Variants in GTF3C5 observed in about 807,000 individuals in gnomAD.
The protein encoded by GTF3C5 is general transcription factor IIIC subunit 5.
Under a neutral mutation model 61.0 loss-of-function variants are expected in GTF3C5, and 47 were observed. That is an observed-to-expected ratio of 0.77 (90% CI 0.61 to 0.98). GTF3C5 has a LOEUF of 0.98. Ranked by LOEUF, GTF3C5 falls within the 50% of genes least tolerant of loss-of-function variation. The pLI, the probability that GTF3C5 is intolerant of heterozygous loss-of-function variation, is 0.00. For missense variants in GTF3C5, 659 were observed against 703.3 expected, an observed-to-expected ratio of 0.94 and a Z score of 0.71; for synonymous variants, 295 against 275.4, an observed-to-expected ratio of 1.07 and a Z score of -0.71.
chr9:133,057,890 T>C lies in GTF3C5; in HGVS notation c.1470T>C (p.Asp490=). The C allele has an allele frequency of 6.2e-7, 1 of 1,612,546 alleles. No individual in the cohort carries two copies. Among genetic ancestry groups the C allele is most frequent in the Non-Finnish European group, 8.5e-7 (1 of 1,179,272 alleles). ...ACGAGTCTGGGGAAGACGAGGAGGA[T>C]GAGGAGGAGGAGGAAGAGGAGGAGG... ...LTYESGEDEE[D]EEEEEEEEED... is the part of the protein sequence containing the mutation. Residue 490 remains aspartate, a synonymous_variant, in exon 11 of 11, where the codon GAT becomes GAC. Coordinates refer to ENST00000372097, the MANE Select transcript of GTF3C5 (RefSeq NM_012087.4).
At chr9:133,038,873 C>T (rs965115623) in intron 1 of GTF3C5, among the ~76,000 whole-genome samples, 25 of 152,240 alleles carry the variant, frequency 1.6e-4, no homozygotes, top group East Asian at 5.8e-4. Flanking sequence ...CCTCATTACC[C>T]GGGGTAGAAA....
intron 8 of GTF3C5, chr9:133,055,474 G>T: frequency 1.2e-5 from 15 of 1,215,230 alleles, no homozygotes; most frequent in Non-Finnish European, 1.6e-5. Flanking sequence ...CCCAGTGAGG[G>T]GCGATCATGC....
At chr9:133,052,293 A>ACCCC (rs1284970411) in intron 5 of GTF3C5, 129 bp downstream of exon 5, 1 of 465,682 alleles carries the variant, frequency 2.1e-6, no homozygotes, top group Non-Finnish European at 3.8e-6. Flanking sequence ...TTCCTGCCCC[A>ACCCC]CCCCCATCCT....
At chr9:133,038,308 G>C (rs1277970789) in intron 1 of GTF3C5, among the ~76,000 whole-genome samples, 1 of 152,136 alleles carries the variant, frequency 6.6e-6, no homozygotes, top group Non-Finnish European at 1.5e-5. Context: ...GTCTACCCGG[G>C]CGTGTGGTTT....
rs1365856541 is a variant in GTF3C5 at position 133,051,021 on chromosome 9, C to T, written c.768+43C>T. ...CCTGGCCCCGGTGGCTCCAGCCTCT[C>T]TGTTGGCTTCCCGTGTTTACCCAGC... On this transcript the variant is annotated intron_variant, in intron 4 of 10. Coordinates refer to ENST00000372097, the MANE Select transcript of GTF3C5 (RefSeq NM_012087.4). The T allele has an allele frequency of 2.1e-6, 3 of 1,452,466 alleles. No homozygotes were observed. In the South Asian group the frequency reaches 3.9e-5, roughly 19 times the overall value. The allele number at this position is 1,452,466 out of a possible 1,614,324, so 90.0% of individuals were successfully genotyped here.
chr9:133,055,230 G>A (rs1479062903), intron 8 of GTF3C5: 16 of 1,501,288 alleles, frequency 1.1e-5, no homozygotes, highest in Non-Finnish European at 1.2e-5. Context: ...CGTCAGTGCG[G>A]TTGCCCAGCG....
chr9:133,030,887 C>G (rs574979091), upstream of GTF3C5: 6 of 1,134,062 alleles, frequency 5.3e-6, no homozygotes, highest in South Asian at 5.3e-5. Context: ...TTGCTGAGCC[C>G]GGGGAGTTAG....
At chr9:133,043,019 G>T (rs1850084950) in intron 2 of GTF3C5, among the ~76,000 whole-genome samples, 1 of 152,218 alleles carries the variant, frequency 6.6e-6, no homozygotes, top group South Asian at 2.1e-4. Context: ...TACTAACAAG[G>T]CTTAGAGATG....
chr9:133,035,063 G>C (rs1849829313), intron 1 of GTF3C5, among the ~76,000 whole-genome samples: 1 of 152,180 alleles, frequency 6.6e-6, no homozygotes, highest in Non-Finnish European at 1.5e-5. Flanking sequence ...GTGGGTGCCA[G>C]GGAGTGTGGT....
At chr9:133,051,927 T>C (rs1370191183) in intron 4 of GTF3C5, 133 bp from the exon 5 acceptor site, 2 of 538,048 alleles carry the variant, frequency 3.7e-6, no homozygotes, top group South Asian at 2.5e-5. Flanking sequence ...GGCCACGCCC[T>C]GTGTGTCCAG....
chr9:133,034,617 C>T (rs1011032592), intron 1 of GTF3C5, among the ~76,000 whole-genome samples: 4 of 152,068 alleles, frequency 2.6e-5, no homozygotes, highest in Non-Finnish European at 4.4e-5. Context: ...CCTTTTCAGC[C>T]GTTCGAATCG....
At chr9:133,052,623 C>T (rs1215138379) in intron 5 of GTF3C5, among the ~76,000 whole-genome samples, 1 of 152,008 alleles carries the variant, frequency 6.6e-6, no homozygotes, top group African/African-American at 2.4e-5. Flanking sequence ...AGACACATGT[C>T]ATTACTGAGG....
chr9:133,053,354 G>A (rs1489920271), intron 5 of GTF3C5, among the ~76,000 whole-genome samples: 1 of 152,192 alleles, frequency 6.6e-6, no homozygotes, highest in Non-Finnish European at 1.5e-5. Flanking sequence ...GGAGGCTGAA[G>A]CGGGAGAATC....
chr9:133,051,051 C>G, intron 4 of GTF3C5, 73 bp downstream of exon 4: 2 of 1,209,370 alleles, frequency 1.7e-6, no homozygotes, highest in Non-Finnish European at 2.3e-6. Flanking sequence ...CCCAGCTGCT[C>G]CCTGTTCCTG....
intron 6 of GTF3C5, 96 bp from the exon 7 acceptor site, chr9:133,054,311 GC>G (rs1371123009): frequency 4.2e-5 from 42 of 991,546 alleles, no homozygotes; most frequent in Non-Finnish European, 6.5e-5. Context: ...TCAGGAGCTG[GC>G]CCCATGGACC....
At chr9:133,030,888 G>T (rs772583781), upstream of GTF3C5, 2 of 1,132,084 alleles carry the variant, frequency 1.8e-6, no homozygotes, top group East Asian at 2.5e-5. Flanking sequence ...TGCTGAGCCC[G>T]GGGAGTTAGG....
chr9:133,046,907 A>G (rs952897108), intron 3 of GTF3C5, among the ~76,000 whole-genome samples: 6 of 152,068 alleles, frequency 3.9e-5, no homozygotes, highest in Non-Finnish European at 5.9e-5. Flanking sequence ...TGAGCCAGAG[A>G]ATGGGGGTGG....
rs770006836 is a variant in GTF3C5, at chr9:133,031,003, C to T, written c.-9C>T. The T allele has an allele frequency of 1.2e-6, 2 of 1,612,300 alleles. No homozygotes were observed. The highest frequency in any genetic ancestry group is 1.1e-5 in the South Asian group (1 of 90,806). On this transcript the variant is annotated 5_prime_UTR_variant, in exon 1 of 11. In the 5' UTR this introduces an upstream ATG that the reference lacks. Transcript: ENST00000372097. ...ACGGACCCTGGCGGGCCCTGCCAGA[C>T]GCACAGGGATGGCGGCGGAGGCGGC...
At chr9:133,032,223 C>T (rs950188398) in intron 1 of GTF3C5, among the ~76,000 whole-genome samples, 1 of 152,244 alleles carries the variant, frequency 6.6e-6, no homozygotes, top group Non-Finnish European at 1.5e-5. Flanking sequence ...CCACCGTGCC[C>T]AGCCTGGAAT....
Sources: gnomAD v4.1 joint callset for allele counts (sites outside exome capture counted in the v4.1 genomes callset) on GRCh38, gnomAD v4.1.1 for gene constraint, MANE v1.5 for transcripts, NCBI Gene and HGNC (gene_info 2026-07-23, HGNC 2026-07-21) for gene names.